PRDM5: variants seen among roughly 807,000 people sequenced by gnomAD.
PRDM5 encodes the protein PR/SET domain 5.
Under a neutral mutation model 81.2 loss-of-function variants are expected in PRDM5, and 56 were observed. That is an observed-to-expected ratio of 0.69 (90% confidence interval 0.56 to 0.86). PRDM5 has a LOEUF of 0.86. PRDM5 is among the 40% of genes least tolerant of loss of function. The probability of loss-of-function intolerance (pLI) is 0.00; values close to 1 mark genes in which losing one functional copy is unlikely to be tolerated. For synonymous variants in PRDM5, 267 were observed against 256.4 expected (o/e 1.04, Z -0.39); for missense variants, 697 against 770.1 (o/e 0.91, Z 1.12).
In PRDM5 at chr4:120,871,891, G is replaced by A. The variant is rs961321097; in HGVS notation, c.178-18351C>T. On this transcript the variant is annotated intron_variant, in intron 2 of 15. Coordinates refer to ENST00000264808, the MANE Select transcript of PRDM5 (RefSeq NM_018699.4). ...GTACAGAGCCAGGTGCGTGGCTCAC[G>A]CCTGTTATCCCAACACTTTGGGAGG... 4.6e-5 allele frequency among the ~76,000 whole-genome samples: 7 copies of A among 152,062 alleles called. No individual in the cohort carries two copies. The East Asian group carries it at 1.2e-3, about 25-fold the overall frequency.
intron 2 of PRDM5, among the ~76,000 whole-genome samples, chr4:120,891,915 C>A (rs1764092483): frequency 6.6e-6 from 1 of 152,188 alleles, no homozygotes; most frequent in Admixed American, 6.5e-5. Context: ...CAGGCATGAG[C>A]CACTTTCTAA....
At chr4:120,841,259 A>G (rs1440506491) in intron 3 of PRDM5, among the ~76,000 whole-genome samples, 5 of 152,204 alleles carry the variant, frequency 3.3e-5, no homozygotes, top group Non-Finnish European at 7.4e-5. Flanking sequence ...TGAGTACAGT[A>G]TATAAAGTAC....
intron 2 of PRDM5, among the ~76,000 whole-genome samples, chr4:120,904,016 C>A (rs1765483838): frequency 6.6e-6 from 1 of 151,536 alleles, no homozygotes. Context: ...ATGGTAGAAC[C>A]CCGTCTCTAC....
intron 14 of PRDM5, among the ~76,000 whole-genome samples, chr4:120,723,352 AATGTCCTTTGT>A (rs1738896465): frequency 6.6e-6 from 1 of 152,228 alleles, no homozygotes; most frequent in African/African-American, 2.4e-5. Context: ...CATTGTAAAG[AATGTCCTTTGT>A]AATCCTTGAA....
intron 14 of PRDM5, among the ~76,000 whole-genome samples, chr4:120,734,196 C>T (rs1166722207): frequency 6.6e-6 from 1 of 151,670 alleles, no homozygotes; most frequent in Non-Finnish European, 1.5e-5. Flanking sequence ...GCCACCTGGG[C>T]TCCATTCTGC....
At chr4:120,744,890 C>T (rs1578562043) in intron 14 of PRDM5, among the ~76,000 whole-genome samples, 5 of 126,008 alleles carry the variant, frequency 4.0e-5, no homozygotes, top group African/African-American at 1.5e-4. Flanking sequence ...GAAACTATTC[C>T]AATCAATAGA....
At chr4:120,787,087 G>A (rs1749863821) in intron 10 of PRDM5, among the ~76,000 whole-genome samples, 1 of 152,118 alleles carries the variant, frequency 6.6e-6, no homozygotes, top group African/African-American at 2.4e-5. Flanking sequence ...TAAATGTGAT[G>A]GAGAAAAATA....
chr4:120,815,251 G>C (rs972514172), intron 7 of PRDM5, among the ~76,000 whole-genome samples: 2 of 150,144 alleles, frequency 1.3e-5, no homozygotes, highest in Non-Finnish European at 2.9e-5. Flanking sequence ...CTTGCCTTTT[G>C]CAATCATAGG....
chr4:120,748,983 G>A (rs1461329714), intron 14 of PRDM5, among the ~76,000 whole-genome samples: 1 of 152,052 alleles, frequency 6.6e-6, no homozygotes, highest in African/African-American at 2.4e-5. Flanking sequence ...ATCAGCTCCT[G>A]GGCAGGAAAT....
intron 1 of PRDM5, among the ~76,000 whole-genome samples, chr4:120,686,752 T>C (rs1421680049): frequency 1.3e-5 from 2 of 152,174 alleles, no homozygotes; most frequent in Admixed American, 1.3e-4. Context: ...CCCCAAAATA[T>C]GTTTTACTTA....
intron 13 of PRDM5, among the ~76,000 whole-genome samples, chr4:120,760,312 T>C (rs966859435): frequency 3.3e-5 from 5 of 152,182 alleles, no homozygotes; most frequent in African/African-American, 1.2e-4. Context: ...GGAATGTGTG[T>C]TATGTCTTAA....
intron 2 of PRDM5, among the ~76,000 whole-genome samples, chr4:120,902,329 G>A (rs1028148189): frequency 2.0e-5 from 3 of 152,200 alleles, no homozygotes; most frequent in African/African-American, 7.2e-5. Context: ...TTGAATTGTG[G>A]TTTGAAATAT....
chr4:120,747,801 C>T (rs1349201299), intron 14 of PRDM5, among the ~76,000 whole-genome samples: 2 of 152,200 alleles, frequency 1.3e-5, no homozygotes, highest in Non-Finnish European at 2.9e-5. Context: ...GCTGTTTCTG[C>T]AAACAAGGCT....
intron 13 of PRDM5, chr4:120,762,256 T>C (rs1450571219): frequency 1.3e-5 from 2 of 152,192 alleles, no homozygotes; most frequent in Non-Finnish European, 2.9e-5. Flanking sequence ...AAATAATGTT[T>C]AAAGATTTTG....
chr4:120,751,722 A>G (rs1004502732), intron 14 of PRDM5, among the ~76,000 whole-genome samples: 1 of 152,202 alleles, frequency 6.6e-6, no homozygotes, highest in Non-Finnish European at 1.5e-5. Context: ...TGGCAAAATT[A>G]TCTCCCACAT....
At chr4:120,754,095 TC>T (rs1296903096) in intron 14 of PRDM5, among the ~76,000 whole-genome samples, 1 of 152,184 alleles carries the variant, frequency 6.6e-6, no homozygotes, top group Non-Finnish European at 1.5e-5. Flanking sequence ...GAGCTACACT[TC>T]CTTATTTTCC....
At chr4:120,916,222 A>G (rs972713767) in intron 1 of PRDM5, among the ~76,000 whole-genome samples, 2 of 152,012 alleles carry the variant, frequency 1.3e-5, no homozygotes, top group African/African-American at 4.8e-5. Flanking sequence ...AACCCTGTCT[A>G]TTAAAAATAC....
intron 14 of PRDM5, among the ~76,000 whole-genome samples, chr4:120,729,307 C>T (rs897327376): frequency 6.6e-6 from 1 of 152,070 alleles, no homozygotes; most frequent in African/African-American, 2.4e-5. Flanking sequence ...AATGAATGAC[C>T]TTTACCCTTA....
chr4:120,821,138 C>A lies in PRDM5; in HGVS notation c.475+33G>T, dbSNP rs761705472. On this transcript the variant is annotated intron_variant, in intron 4 of 15. Transcript: ENST00000264808. ...AACTACACTTTTTTCTACAACTTTT[C>A]TTCTCCCAGATCACCAATTAAAGAT... 8 of 1,605,690 alleles carry A rather than the reference C, an allele frequency of 5.0e-6. No individual in the cohort carries two copies. In the East Asian group the frequency reaches 1.8e-4, roughly 36 times the overall value.
Sources: gnomAD v4.1 joint callset for allele counts (sites outside exome capture counted in the v4.1 genomes callset) on GRCh38, gnomAD v4.1.1 for gene constraint, MANE v1.5 for transcripts, NCBI Gene and HGNC (gene_info 2026-07-23, HGNC 2026-07-21) for gene names.